Variants in AMD1 observed in about 807,000 individuals in gnomAD.
The protein encoded by AMD1 is adenosylmethionine decarboxylase 1, also known as S-adenosylmethionine decarboxylase proenzyme.
A neutral mutation model predicts 40.2 loss-of-function variants in AMD1; 11 were observed. That is an observed-to-expected ratio of 0.27 (90% CI 0.17 to 0.45). AMD1 has a LOEUF of 0.45. Ranked by LOEUF, AMD1 falls within the 20% of genes least tolerant of loss-of-function variation. AMD1 has a pLI of 1.00. For missense variants in AMD1, 257 were observed against 410.2 expected (o/e 0.63, Z 3.23); for synonymous variants, 121 against 130.8 (o/e 0.93, Z 0.51).
At chr6:110,880,655 A>T (rs1269060169) in intron 1 of AMD1, among the ~76,000 whole-genome samples, 1 of 152,068 alleles carries the variant, frequency 6.6e-6, no homozygotes, top group Non-Finnish European at 1.5e-5. Flanking sequence ...CTTGTTCAAG[A>T]TAGTTGAGCT....
chr6:110,892,669 A>C, intron 6 of AMD1, 66 bp from the exon 7 acceptor site: 5 of 1,573,322 alleles, frequency 3.2e-6, no homozygotes, highest in Non-Finnish European at 3.5e-6. Flanking sequence ...CCTGGGACTA[A>C]ATTTTGGACT....
Position 110,888,768 on chromosome 6 carries a change from C to CA in AMD1, c.198-85dup, listed in dbSNP as rs1785848024. ...GATCCTAATATTTAAAAGTACTAGCCAAAATTGTAAATGATAATTAAATTG... is the reference window on the plus strand; with the variant it reads ...GATCCTAATATTTAAAAGTACTAGCCAAAAATTGTAAATGATAATTAAATTG... On this transcript the variant is annotated intron_variant, in intron 2 of 8. Coordinates refer to ENST00000368885, the MANE Select transcript of AMD1 (RefSeq NM_001634.6). The CA allele has an allele frequency of 2.2e-5, 30 of 1,379,490 alleles. No homozygotes were observed. In the South Asian group the frequency reaches 4.0e-4, roughly 18 times the overall value. The allele number at this position is 1,379,490 out of a possible 1,614,324, so 85.5% of individuals were successfully genotyped here.
At chr6:110,861,234 T>C in the AMD1 span, among the ~76,000 whole-genome samples, 1 of 151,596 alleles carries the variant, frequency 6.6e-6, no homozygotes, top group Non-Finnish European at 1.5e-5. Flanking sequence ...GGCGGGCGCC[T>C]GTAGTCCCAG....
chr6:110,817,622 A>G, the AMD1 span, among the ~76,000 whole-genome samples: 2 of 152,196 alleles, frequency 1.3e-5, no homozygotes, highest in South Asian at 2.1e-4. Context: ...AAAAAATGGT[A>G]TCTTTAATCA....
At chr6:110,881,661 CAAA>C (rs532903964) in intron 1 of AMD1, among the ~76,000 whole-genome samples, 5 of 147,770 alleles carry the variant, frequency 3.4e-5, no homozygotes, top group Non-Finnish European at 7.5e-5. Flanking sequence ...ACTAAAAATA[CAAA>C]AAAAAAATTA....
chr6:110,834,571 C>G, the AMD1 span, among the ~76,000 whole-genome samples: 1 of 151,866 alleles, frequency 6.6e-6, no homozygotes, highest in Non-Finnish European at 1.5e-5. Flanking sequence ...GCCTATACTC[C>G]CAGCACTTTG....
chr6:110,860,669 T>C, the AMD1 span, among the ~76,000 whole-genome samples: 1 of 151,716 alleles, frequency 6.6e-6, no homozygotes, highest in Non-Finnish European at 1.5e-5. Flanking sequence ...CTTGGTGGCA[T>C]GTGCCCGTAA....
At chr6:110,856,496 C>G in the AMD1 span, 1 of 152,160 alleles carries the variant, frequency 6.6e-6, no homozygotes, top group Non-Finnish European at 1.5e-5. Context: ...GGATGACACC[C>G]AGATTTGTGA....
chr6:110,829,672 A>AAAT, the AMD1 span, among the ~76,000 whole-genome samples: 22 of 151,484 alleles, frequency 1.5e-4, 1 homozygote, highest in Middle Eastern at 3.4e-3. Context: ...CTGTCTCAAA[A>AAAT]AATAATAATA....
At chr6:110,817,413 G>C in the AMD1 span, among the ~76,000 whole-genome samples, 2 of 152,096 alleles carry the variant, frequency 1.3e-5, no homozygotes, top group Admixed American at 6.5e-5. Flanking sequence ...TTCAAGACCA[G>C]CCTGGCCAAG....
rs757824536 is a variant in AMD1, at chr6:110,892,747, C to G, written c.628C>G (p.Arg210Gly). Residue 210 changes from arginine to glycine, a missense_variant, in exon 7 of 9, where the codon CGT (arginine) becomes GGT (glycine). This residue lies in a region of AMD1 where 192 missense variants were observed against 296.5 expected (regional missense o/e 0.65). Coordinates refer to ENST00000368885, the MANE Select transcript of AMD1 (RefSeq NM_001634.6). Reference protein sequence around the residue: ...AKDVTRESGIRDLIPGSVIDA... With the variant: ...AKDVTRESGIGDLIPGSVIDA... ...TTTCCCCCCCCAGGAGAGTGGAATT[C>G]GTGACCTGATACCAGGTTCTGTCAT... 1 of 1,612,054 alleles carries G rather than the reference C, an allele frequency of 6.2e-7. No homozygotes were observed.
intron 1 of AMD1, 102 bp downstream of exon 1, chr6:110,875,317 G>C (rs1785035020): frequency 1.0e-6 from 1 of 980,594 alleles, no homozygotes; most frequent in Non-Finnish European, 1.6e-6. Context: ...CTTTCAGTTG[G>C]GGGCAAGTCT....
chr6:110,844,946 A>C, the AMD1 span, among the ~76,000 whole-genome samples: 1 of 151,842 alleles, frequency 6.6e-6, no homozygotes, highest in Non-Finnish European at 1.5e-5. Flanking sequence ...ATCATCACAG[A>C]AGGTGAAATG....
chr6:110,817,511 A>G, the AMD1 span, among the ~76,000 whole-genome samples: 1 of 152,142 alleles, frequency 6.6e-6, no homozygotes, highest in African/African-American at 2.4e-5. Flanking sequence ...CGGGAGGCTG[A>G]GGCAGGAGAA....
the AMD1 span, among the ~76,000 whole-genome samples, chr6:110,838,099 A>G: frequency 6.6e-6 from 1 of 150,432 alleles, no homozygotes; most frequent in Admixed American, 6.7e-5. Flanking sequence ...GATACATGAA[A>G]GTTTTCTGGC....
At chr6:110,823,880 A>G in the AMD1 span, among the ~76,000 whole-genome samples, 2 of 152,234 alleles carry the variant, frequency 1.3e-5, no homozygotes, top group African/African-American at 4.8e-5. Context: ...GACACAAACA[A>G]ATGGAAATAC....
At chr6:110,858,514 C>T in the AMD1 span, 1 of 1,579,374 alleles carries the variant, frequency 6.3e-7, no homozygotes, top group Non-Finnish European at 8.7e-7. Context: ...CCAATTTCAT[C>T]AAGGCCATGG....
Position 110,875,052 on chromosome 6 carries a change from G to A in AMD1, c.-54G>A, listed in dbSNP as rs1422248228. Reference sequence around the variant, plus strand: ...CGGCGGCGGCAGCGGCGGGAGAAGAGGTTTAATTTAGTTGATTTTCTGTGG... The same window carrying A: ...CGGCGGCGGCAGCGGCGGGAGAAGAAGTTTAATTTAGTTGATTTTCTGTGG... On this transcript the variant is annotated 5_prime_UTR_variant, in exon 1 of 9. Transcript: ENST00000368885. 1.1e-5 allele frequency: 15 copies of A among 1,422,416 alleles called. No homozygotes were observed. Among genetic ancestry groups the A allele is most frequent in the East Asian group, 7.4e-5 (3 of 40,652 alleles). The allele number at this position is 1,422,416 out of a possible 1,614,324, so 88.1% of individuals were successfully genotyped here. A position where few individuals can be genotyped will look rare whatever the true frequency, so the allele number is the denominator to read the frequency against.
chr6:110,852,685 T>TTGC, the AMD1 span, among the ~76,000 whole-genome samples: 1 of 152,216 alleles, frequency 6.6e-6, no homozygotes, highest in Non-Finnish European at 1.5e-5. Context: ...ATACAAAGAA[T>TTGC]TGCTGTCTTT....
Sources: allele counts gnomAD v4.1 joint callset (sites outside exome capture counted in the v4.1 genomes callset), GRCh38; gene constraint gnomAD v4.1.1; regional missense constraint gnomAD v4.1.1; transcripts MANE v1.5; gene names NCBI Gene and HGNC (gene_info 2026-07-23, HGNC 2026-07-21).